Variants in XXYLT1 observed in about 807,000 individuals in gnomAD.
XXYLT1 encodes the protein UDP-xylose:alpha-xyloside alpha-1,3-xylosyltransferase.
Under a neutral mutation model 28.9 loss-of-function variants are expected in XXYLT1, and 20 were observed. The observed-to-expected ratio is 0.69, with a 90% CI of 0.49 to 1.00. The LOEUF is 1.00. XXYLT1 is among the 50% of genes least tolerant of loss of function. The pLI, the probability that XXYLT1 is intolerant of heterozygous loss-of-function variation, is 0.00. For synonymous variants in XXYLT1, 257 were observed against 253.8 expected, an observed-to-expected ratio of 1.01 and a Z score of -0.12; for missense variants, 542 against 560.1, an observed-to-expected ratio of 0.97 and a Z score of 0.33.
intron 2 of XXYLT1, among the ~76,000 whole-genome samples, chr3:195,219,669 C>G (rs1216613402): frequency 1.3e-5 from 2 of 152,198 alleles, no homozygotes; most frequent in Non-Finnish European, 2.9e-5. Context: ...CTTACACCAG[C>G]CTTTGCCACC....
intron 3 of XXYLT1, among the ~76,000 whole-genome samples, chr3:195,110,858 A>G (rs1441864335): frequency 2.5e-4 from 3 of 11,876 alleles, no homozygotes; most frequent in African/African-American, 6.0e-4. Context: ...GTGTTGTATA[A>G]GTGTGTGTGT....
intron 2 of XXYLT1, among the ~76,000 whole-genome samples, chr3:195,211,351 C>T (rs1723303536): frequency 6.6e-6 from 1 of 152,180 alleles, no homozygotes; most frequent in African/African-American, 2.4e-5. Flanking sequence ...CAAGATCGAG[C>T]CTCTGCACTC....
chr3:195,153,605 TCA>T (rs1168681370), intron 3 of XXYLT1, among the ~76,000 whole-genome samples: 4 of 152,204 alleles, frequency 2.6e-5, no homozygotes, highest in Admixed American at 2.0e-4. Context: ...TTAGAAAAAC[TCA>T]GTTTCATTTC....
chr3:195,264,778 T>C (rs1291038127), intron 1 of XXYLT1, among the ~76,000 whole-genome samples: 1 of 152,144 alleles, frequency 6.6e-6, no homozygotes, highest in Non-Finnish European at 1.5e-5. Flanking sequence ...ATAAAAGACA[T>C]GCACAGCCGG....
At chr3:195,243,760 A>G (rs189715052) in intron 1 of XXYLT1, among the ~76,000 whole-genome samples, 181 of 152,386 alleles carry the variant, frequency 1.2e-3, no homozygotes, top group African/African-American at 4.2e-3. Flanking sequence ...AAAAGGTAAC[A>G]GTCATAATGG....
At chr3:195,175,950 A>C in intron 2 of XXYLT1, 1 of 1,356,792 alleles carries the variant, frequency 7.4e-7, no homozygotes, top group Non-Finnish European at 9.5e-7. Flanking sequence ...TTGTTATTAC[A>C]GCCCAGCTTA....
Position 195,270,806 on chromosome 3 carries a change from TCG to T in XXYLT1, c.251_252del (p.Ala84GlufsTer54), listed in dbSNP as rs1726000067. On this transcript the variant is annotated frameshift_variant, in exon 1 of 4. Coordinates refer to ENST00000310380, the MANE Select transcript of XXYLT1 (RefSeq NM_152531.5). LOFTEE classifies it high-confidence loss of function. ...ARGSVAPAPG[A>X]KAKSLEGGGA... The stretch of plus-strand genomic sequence containing the variant: ...CCGCCGCCCTCCAAGCTCTTGGCCT[TCG>T]CGCCGGGGGCTGGCGCCACGGAGCC... 1.3e-6 allele frequency: 2 copies of T among 1,511,932 alleles called. No individual in the cohort carries two copies. The highest frequency in any genetic ancestry group is 1.8e-6 in the Non-Finnish European group (2 of 1,133,206). The allele number at this position is 1,511,932 out of a possible 1,614,324, so 93.7% of individuals were successfully genotyped here.
intron 2 of XXYLT1, among the ~76,000 whole-genome samples, chr3:195,166,019 G>A (rs1364283287): frequency 6.6e-6 from 1 of 151,976 alleles, no homozygotes; most frequent in Non-Finnish European, 1.5e-5. Flanking sequence ...CCTGTTATGA[G>A]TCTGATAAGA....
intron 2 of XXYLT1, among the ~76,000 whole-genome samples, chr3:195,158,645 A>T (rs917873484): frequency 1.3e-5 from 2 of 152,260 alleles, no homozygotes; most frequent in Non-Finnish European, 2.9e-5. Context: ...CGGCAACTCC[A>T]GCACAAAGTG....
intron 3 of XXYLT1, among the ~76,000 whole-genome samples, chr3:195,142,900 C>A (rs904547240): frequency 3.3e-5 from 5 of 152,248 alleles, no homozygotes; most frequent in Non-Finnish European, 7.3e-5. Flanking sequence ...CTCCATTCCT[C>A]CCTGGCCAGG....
At chr3:195,111,975 T>C (rs576214154) in intron 3 of XXYLT1, among the ~76,000 whole-genome samples, 1 of 152,328 alleles carries the variant, frequency 6.6e-6, no homozygotes, top group South Asian at 2.1e-4. Flanking sequence ...CCTGATTGCC[T>C]GTAAATGCCT....
At chr3:195,259,425 C>T (rs1000172248) in intron 1 of XXYLT1, among the ~76,000 whole-genome samples, 2 of 152,216 alleles carry the variant, frequency 1.3e-5, no homozygotes, top group Middle Eastern at 3.2e-3. Flanking sequence ...ACCCACACGA[C>T]GGTGTGAGTG....
intron 1 of XXYLT1, among the ~76,000 whole-genome samples, chr3:195,229,456 A>T (rs376952314): frequency 3.4e-4 from 52 of 152,250 alleles, no homozygotes; most frequent in African/African-American, 1.2e-3. Context: ...TAGTCATCCT[A>T]TTGTGCTAGC....
At chr3:195,120,285 C>CCCA (rs1553805988) in intron 3 of XXYLT1, among the ~76,000 whole-genome samples, 2 of 29,666 alleles carry the variant, frequency 6.7e-5, no homozygotes, top group Non-Finnish European at 1.7e-4. Context: ...TGCTCAGATG[C>CCCA]CCCCCCCGCC....
intron 2 of XXYLT1, among the ~76,000 whole-genome samples, chr3:195,200,048 G>A (rs1443321603): frequency 6.6e-6 from 1 of 152,228 alleles, no homozygotes; most frequent in Non-Finnish European, 1.5e-5. Flanking sequence ...CCAAGAAGGG[G>A]ATTGGAAGCT....
rs925503967 is a variant in XXYLT1 at position 195,270,328 on chromosome 3, G to T, written c.504+227C>A. On this transcript the variant is annotated intron_variant, in intron 1 of 3. Coordinates refer to ENST00000310380, the MANE Select transcript of XXYLT1 (RefSeq NM_152531.5). Reference sequence around the variant, plus strand: ...TAACTGGGGGAGAGGAAAACGAGGCGGTCATTAAAAACGCAGCTCCACTCC... The same window carrying T: ...TAACTGGGGGAGAGGAAAACGAGGCTGTCATTAAAAACGCAGCTCCACTCC... The T allele has an allele frequency of 1.4e-5, 14 of 1,033,748 alleles. No individual in the cohort carries two copies. In the African/African-American group the frequency reaches 2.2e-4, roughly 16 times the overall value. 64.0% of individuals were successfully genotyped at this position (1,033,748 alleles called of 1,614,324 possible).
At chr3:195,243,223 A>AG (rs1560171009) in intron 1 of XXYLT1, among the ~76,000 whole-genome samples, 3 of 152,080 alleles carry the variant, frequency 2.0e-5, no homozygotes, top group African/African-American at 7.2e-5. Context: ...GGTGGGGGGA[A>AG]GGGGGAAGGA....
intron 3 of XXYLT1, among the ~76,000 whole-genome samples, chr3:195,104,564 G>A (rs1241582318): frequency 6.6e-6 from 1 of 152,142 alleles, no homozygotes. Flanking sequence ...AGCTCCCAGA[G>A]AGCAAGGCAG....
At chr3:195,249,867 C>T (rs1035401782) in intron 1 of XXYLT1, among the ~76,000 whole-genome samples, 3 of 152,170 alleles carry the variant, frequency 2.0e-5, no homozygotes, top group East Asian at 1.9e-4. Flanking sequence ...AACCTAGTAG[C>T]GGCCCTTTCC....
Sources: gnomAD v4.1 joint callset for allele counts (sites outside exome capture counted in the v4.1 genomes callset) on GRCh38, gnomAD v4.1.1 for gene constraint, MANE v1.5 for transcripts, NCBI Gene and HGNC (gene_info 2026-07-23, HGNC 2026-07-21) for gene names.